The following HCRTR2 variants were observed in gnomAD, a reference collection of about 807,000 sequenced individuals.
HCRTR2 encodes the protein orexin receptor type 2.
HCRTR2 carries 22 observed loss-of-function variants against 49.0 expected under a neutral mutation model. The ratio of observed to expected loss-of-function variants is 0.45; its 90% CI spans 0.32 to 0.64. The LOEUF (loss-of-function observed/expected upper bound fraction) is 0.64, where lower values mean the gene tolerates loss of function less well. Ranked by LOEUF, HCRTR2 falls within the 30% of genes least tolerant of loss-of-function variation. The pLI, the probability that HCRTR2 is intolerant of heterozygous loss-of-function variation, is 0.04. For synonymous variants in HCRTR2, 236 were observed against 205.3 expected (o/e 1.15, Z -1.28); for missense variants, 491 against 559.4 (o/e 0.88, Z 1.23).
intron 1 of HCRTR2, among the ~76,000 whole-genome samples, chr6:55,120,551 A>T (rs191176004): frequency 0.012 from 1,763 of 145,454 alleles, 59 homozygotes; most frequent in African/African-American, 0.045. Context: ...GATTTGGCTC[A>T]CTGTTTGTTA....
intron 1 of HCRTR2, among the ~76,000 whole-genome samples, chr6:55,176,393 C>T (rs1019344634): frequency 9.2e-5 from 14 of 152,156 alleles, no homozygotes; most frequent in Non-Finnish European, 4.4e-5. Flanking sequence ...AAGCATAATT[C>T]TGTTGATAAT....
downstream of HCRTR2, among the ~76,000 whole-genome samples, chr6:55,284,353 C>T (rs1040020256): frequency 3.9e-5 from 6 of 152,136 alleles, no homozygotes; most frequent in African/African-American, 1.4e-4. Flanking sequence ...ATACCATCGG[C>T]ATCAGCATCA....
rs189134661 is a variant in HCRTR2, at chr6:55,182,932, A to G, written c.223+8122A>G. On this transcript the variant is annotated intron_variant, in intron 1 of 6. Coordinates refer to ENST00000370862, the MANE Select transcript of HCRTR2 (RefSeq NM_001384272.1). ...ATAGTTAAAAGTATTTTTAACTTGC[A>G]TAGACTCAGAACAAGATAATTTGGA... Among the ~76,000 whole-genome samples the G allele has an allele frequency of 7.0e-4, 107 of 152,332 alleles. 3 individuals carry two copies. In the South Asian group the frequency reaches 0.017, roughly 24 times the overall value.
intron 1 of HCRTR2, among the ~76,000 whole-genome samples, chr6:55,127,588 TTTGTTC>T (rs66910039): frequency 0.057 from 8,643 of 152,222 alleles, 363 homozygotes; most frequent in African/African-American, 0.11. Flanking sequence ...CTGAGAAATC[TTTGTTC>T]TTGCTTTCTT....
At chr6:55,190,516 T>C (rs534397231) in intron 1 of HCRTR2, among the ~76,000 whole-genome samples, 35 of 152,168 alleles carry the variant, frequency 2.3e-4, no homozygotes, top group Non-Finnish European at 4.3e-4. Context: ...GGTAAGAGTT[T>C]AGATAAGGAG....
chr6:55,225,347 G>T (rs1182737226), intron 1 of HCRTR2, among the ~76,000 whole-genome samples: 1 of 151,652 alleles, frequency 6.6e-6, no homozygotes, highest in East Asian at 1.9e-4. Context: ...TTTTAGCCCT[G>T]TCTTTTTTTT....
At position 55,248,139 on chromosome 6, in the gene HCRTR2, G is replaced by T. The variant is rs116131712; in HGVS notation, c.224-500G>T. 6.8e-3 allele frequency among the ~76,000 whole-genome samples: 1,029 copies of T among 152,156 alleles called. 14 individuals are homozygous for T. Among genetic ancestry groups the T allele is most frequent in the African/African-American group, 0.023 (959 of 41,510 alleles). ...TATGAACCATCTAGCTCGGTATTTG[G>T]CAATGGTAGGAGCTGAATAATTGTT... On this transcript the variant is annotated intron_variant, in intron 1 of 6. Transcript: ENST00000370862.
chr6:55,280,377 T>A lies in HCRTR2; in HGVS notation c.1038T>A (p.Phe346Leu). The A allele has an allele frequency of 6.2e-7, 1 of 1,613,294 alleles. No individual in the cohort carries two copies. Among genetic ancestry groups the A allele is most frequent in the Non-Finnish European group, 8.5e-7 (1 of 1,179,270 alleles). Reference protein sequence around the residue: ...TEDRETVYAWFTFSHWLVYAN... With the variant: ...TEDRETVYAWLTFSHWLVYAN... ...ACAGAGAGACTGTGTATGCCTGGTT[T>A]ACCTTTTCACACTGGCTTGTATATG... The change falls in exon 6 of 7, where the codon TTT becomes TTA. Residue 346 changes from phenylalanine (F) to leucine (L), a missense_variant. Transcript: ENST00000370862.
intron 1 of HCRTR2, among the ~76,000 whole-genome samples, chr6:55,216,088 A>G (rs914234713): frequency 3.3e-5 from 5 of 152,222 alleles, no homozygotes; most frequent in South Asian, 2.1e-4. Context: ...ACATAGTCCT[A>G]TGAAAACACA....
rs192124968 is a variant in HCRTR2, at chr6:55,270,783, C to A, written c.763-6597C>A. Among the ~76,000 whole-genome samples the A allele has an allele frequency of 6.6e-3, 1,004 of 151,934 alleles. 6 individuals are homozygous for A. The highest frequency in any genetic ancestry group is 0.012 in the Non-Finnish European group (807 of 67,924). ...ATGTATATGAAAATAATCCAAAATC[C>A]AAAAAAACTCACATCTGAAACACTT... On this transcript the variant is annotated intron_variant, in intron 4 of 6. Transcript: ENST00000370862.
chr6:55,132,454 G>A (rs1264347441), intron 1 of HCRTR2, among the ~76,000 whole-genome samples: 1 of 151,862 alleles, frequency 6.6e-6, no homozygotes, highest in Non-Finnish European at 1.5e-5. Context: ...CAAGAAAAAG[G>A]AATATTGACA....
At chr6:55,246,283 A>G (rs1562020639) in intron 1 of HCRTR2, among the ~76,000 whole-genome samples, 1 of 152,084 alleles carries the variant, frequency 6.6e-6, no homozygotes, top group East Asian at 1.9e-4. Context: ...AACAAATACA[A>G]TGTACATATA....
chr6:55,141,557 A>G (rs1764507638), intron 1 of HCRTR2, among the ~76,000 whole-genome samples: 1 of 152,192 alleles, frequency 6.6e-6, no homozygotes, highest in South Asian at 2.1e-4. Flanking sequence ...ATTTGTTTAA[A>G]GAACATTACT....
intron 1 of HCRTR2, among the ~76,000 whole-genome samples, chr6:55,181,583 A>G (rs769921299): frequency 1.3e-5 from 2 of 152,318 alleles, no homozygotes; most frequent in Admixed American, 6.5e-5. Flanking sequence ...ATATTTGTCC[A>G]TATTCTCTCT....
intron 4 of HCRTR2, among the ~76,000 whole-genome samples, chr6:55,275,154 G>A (rs1383983671): frequency 6.6e-6 from 1 of 152,114 alleles, no homozygotes; most frequent in Non-Finnish European, 1.5e-5. Context: ...GACAGAGTAG[G>A]TTTTAAGGTC....
At chr6:55,276,904 A>C (rs1397225807) in intron 4 of HCRTR2, among the ~76,000 whole-genome samples, 2 of 152,196 alleles carry the variant, frequency 1.3e-5, no homozygotes, top group Non-Finnish European at 2.9e-5. Flanking sequence ...AAACCTGAAA[A>C]GCTACAGGTA....
rs115791779 is a variant in HCRTR2 at position 55,142,737 on chromosome 6, C to T, written c.-377-31474C>T. Among the ~76,000 whole-genome samples the T allele has an allele frequency of 1.3e-3, 201 of 151,028 alleles. 3 individuals carry two copies. Among genetic ancestry groups the T allele is most frequent in the African/African-American group, 4.7e-3 (192 of 41,108 alleles). On this transcript the variant is annotated intron_variant, in intron 1 of 7. Coordinates refer to the HCRTR2 transcript ENST00000615358. ...GGTAGCACAGATAAAATGCACACAC[C>T]GAGATTTAATAATAATGTATTCTTT...
chr6:55,199,480 C>A (rs1042423736), intron 1 of HCRTR2, among the ~76,000 whole-genome samples: 15 of 152,182 alleles, frequency 9.9e-5, no homozygotes, highest in African/African-American at 3.6e-4. Flanking sequence ...TGAATTATTT[C>A]AAACTGCAAA....
intron 1 of HCRTR2, among the ~76,000 whole-genome samples, chr6:55,182,446 T>C (rs889334716): frequency 1.3e-5 from 2 of 152,160 alleles, no homozygotes; most frequent in Admixed American, 1.3e-4. Flanking sequence ...TGCCTTGTGG[T>C]GAGCAGCTGT....
Sources: allele counts gnomAD v4.1 joint callset (sites outside exome capture counted in the v4.1 genomes callset), GRCh38; gene constraint gnomAD v4.1.1; transcripts MANE v1.5; gene names NCBI Gene and HGNC (gene_info 2026-07-23, HGNC 2026-07-21).